The following APBA2 variants were observed in gnomAD, a reference collection of about 807,000 sequenced individuals.
APBA2 encodes the protein amyloid-beta A4 precursor protein-binding family A member 2.
Under a neutral mutation model 75.0 loss-of-function variants are expected in APBA2, and 30 were observed. The observed-to-expected ratio is 0.40, with a 90% CI of 0.30 to 0.54. The LOEUF (loss-of-function observed/expected upper bound fraction) is 0.54, where lower values mean the gene tolerates loss of function less well. Ranked by LOEUF, APBA2 falls within the 20% of genes least tolerant of loss-of-function variation. The probability of loss-of-function intolerance (pLI) is 0.49; values close to 1 mark genes in which losing one functional copy is unlikely to be tolerated. For synonymous variants in APBA2, 444 were observed against 409.6 expected, an observed-to-expected ratio of 1.08 and a Z score of -1.01; for missense variants, 801 against 1,016.1, an observed-to-expected ratio of 0.79 and a Z score of 2.88.
intron 2 of APBA2, among the ~76,000 whole-genome samples, chr15:28,979,481 G>A (rs1392563728): frequency 6.6e-6 from 1 of 152,234 alleles, no homozygotes; most frequent in Non-Finnish European, 1.5e-5. Context: ...GACCCTGTCA[G>A]TTTTGGACAA....
intron 3 of APBA2, among the ~76,000 whole-genome samples, chr15:29,009,633 T>C (rs2039301030): frequency 6.7e-6 from 1 of 148,842 alleles, no homozygotes; most frequent in African/African-American, 2.6e-5. Context: ...CAAATGTTAT[T>C]TTTGCAAATG....
At chr15:29,094,454 A>G (rs758625896) in intron 8 of APBA2, 141 bp downstream of exon 8, 1 of 797,246 alleles carries the variant, frequency 1.3e-6, no homozygotes, top group Non-Finnish European at 2.2e-6. Flanking sequence ...TGGTAGGTGA[A>G]TCTTAGATGT....
intron 10 of APBA2, among the ~76,000 whole-genome samples, chr15:29,104,266 G>A (rs369524579): frequency 1.3e-5 from 2 of 152,242 alleles, no homozygotes; most frequent in Admixed American, 1.3e-4. Flanking sequence ...GGGGAGGCAC[G>A]TGAGGAGCAG....
chr15:29,072,745 A>C (rs2042680803), intron 4 of APBA2, among the ~76,000 whole-genome samples: 1 of 152,106 alleles, frequency 6.6e-6, no homozygotes, highest in African/African-American at 2.4e-5. Flanking sequence ...GCCTTTGGTC[A>C]TGCCAGGACA....
intron 1 of APBA2, among the ~76,000 whole-genome samples, chr15:28,907,939 C>A (rs2033216487): frequency 6.6e-6 from 1 of 152,184 alleles, no homozygotes; most frequent in African/African-American, 2.4e-5. Flanking sequence ...CAGGGGGAAC[C>A]CTTTCGTTTC....
intron 3 of APBA2, among the ~76,000 whole-genome samples, chr15:29,003,495 C>T (rs775021129): frequency 1.4e-4 from 22 of 152,204 alleles, no homozygotes; most frequent in Non-Finnish European, 2.9e-4. Context: ...GGTCTCATAG[C>T]TGGCTGATAG....
At chr15:28,887,765 G>A (rs1447479727) in intron 1 of APBA2, among the ~76,000 whole-genome samples, 3 of 152,188 alleles carry the variant, frequency 2.0e-5, no homozygotes, top group East Asian at 1.9e-4. Context: ...GCTGTGTGCC[G>A]GCAGCCTTCC....
intron 3 of APBA2, among the ~76,000 whole-genome samples, chr15:29,002,247 G>A (rs1216164981): frequency 6.6e-6 from 1 of 152,244 alleles, no homozygotes; most frequent in Non-Finnish European, 1.5e-5. Context: ...GTGCTTGGAT[G>A]AATTGATGAG....
intron 13 of APBA2, 97 bp downstream of exon 13, chr15:29,108,486 C>T (rs1249475795): frequency 1.3e-6 from 2 of 1,586,958 alleles, no homozygotes; most frequent in East Asian, 4.5e-5. Context: ...GTCTGGCAGC[C>T]TGGTAGGACC....
intron 3 of APBA2, among the ~76,000 whole-genome samples, chr15:29,041,331 A>C (rs2152863174): frequency 6.6e-6 from 1 of 152,006 alleles, no homozygotes; most frequent in Middle Eastern, 3.4e-3. Context: ...AAATAAATAA[A>C]ATTTTGCTGA....
At chr15:28,999,737 C>T (rs73370657) in intron 3 of APBA2, among the ~76,000 whole-genome samples, 12,008 of 152,150 alleles carry the variant, frequency 0.079, 645 homozygotes, top group East Asian at 0.27. Flanking sequence ...CCAATAGGAT[C>T]AGTTTATCTT....
chr15:28,942,990 C>T (rs2035323882), intron 2 of APBA2, among the ~76,000 whole-genome samples: 1 of 152,234 alleles, frequency 6.6e-6, no homozygotes, highest in Non-Finnish European at 1.5e-5. Context: ...TTTCAGCCCT[C>T]TAATTTGTGC....
intron 6 of APBA2, among the ~76,000 whole-genome samples, chr15:29,084,794 T>G (rs2043218086): frequency 6.6e-6 from 1 of 152,246 alleles, no homozygotes; most frequent in Admixed American, 6.5e-5. Flanking sequence ...TGTGGAAGAA[T>G]CTGTCATTTA....
chr15:29,074,885 A>T (rs367945101), intron 4 of APBA2, 36 bp from the exon 5 acceptor site: 2 of 1,603,146 alleles, frequency 1.2e-6, no homozygotes, highest in Non-Finnish European at 1.7e-6. Context: ...TTTCTCTAAC[A>T]TATAAAATCA....
At chr15:29,015,597 A>G (rs2039618257) in intron 3 of APBA2, among the ~76,000 whole-genome samples, 1 of 152,218 alleles carries the variant, frequency 6.6e-6, no homozygotes, top group Non-Finnish European at 1.5e-5. Flanking sequence ...AGGAAGAAGA[A>G]AAATCATTGT....
At chr15:28,913,539 C>T (rs377232957) in intron 1 of APBA2, among the ~76,000 whole-genome samples, 1 of 152,184 alleles carries the variant, frequency 6.6e-6, no homozygotes, top group African/African-American at 2.4e-5. Flanking sequence ...CTGTCTACTT[C>T]CTGTAGTCCA....
At chr15:29,086,376 T>G (rs543898219) in intron 6 of APBA2, among the ~76,000 whole-genome samples, 92 of 152,368 alleles carry the variant, frequency 6.0e-4, no homozygotes, top group African/African-American at 2.2e-3. Flanking sequence ...AATCCACGGT[T>G]GTTGTTTTGA....
chr15:29,009,729 G>A (rs1566902431), intron 3 of APBA2, among the ~76,000 whole-genome samples: 1 of 152,192 alleles, frequency 6.6e-6, no homozygotes, highest in Non-Finnish European at 1.5e-5. Context: ...GTTTGTGAGA[G>A]TCACTCACAG....
At chr15:29,057,468 A>G (rs2041949743) in intron 4 of APBA2, among the ~76,000 whole-genome samples, 1 of 152,260 alleles carries the variant, frequency 6.6e-6, no homozygotes, top group Non-Finnish European at 1.5e-5. Context: ...AAAAATGGGA[A>G]GATGAAAAAT....
Sources: allele counts gnomAD v4.1 joint callset (sites outside exome capture counted in the v4.1 genomes callset), GRCh38; gene constraint gnomAD v4.1.1; transcripts MANE v1.5; gene names NCBI Gene and HGNC (gene_info 2026-07-23, HGNC 2026-07-21).